The following NSD1 variants were observed in gnomAD, a reference collection of about 807,000 sequenced individuals.
NSD1 encodes histone-lysine N-methyltransferase, H3 lysine-36 specific.
Under a neutral mutation model 242.7 loss-of-function variants are expected in NSD1, and 26 were observed. The observed-to-expected ratio is 0.11, with a 90% CI of 0.08 to 0.15. NSD1 has a LOEUF of 0.15. NSD1 is among the 10% of genes least tolerant of loss of function. The pLI is 1.00. For synonymous variants in NSD1, 1,106 were observed against 1,178.1 expected, an observed-to-expected ratio of 0.94 and a Z score of 1.25; for missense variants, 2,495 against 3,272.8, an observed-to-expected ratio of 0.76 and a Z score of 5.80.
In NSD1 at chr5:177,135,756, G is replaced by GACACGGTGC; in HGVS notation, c.655_663dup (p.His219_Ala221dup). On this transcript the variant is annotated inframe_insertion, in exon 2 of 23. Coordinates refer to ENST00000439151, the MANE Select transcript of NSD1 (RefSeq NM_022455.5). ...GAACAAGACAGCACACCAGAGAGTAGACACGGTGCAGTCAAATCGCCATTC... is the reference window on the plus strand; with the variant it reads ...GAACAAGACAGCACACCAGAGAGTAGACACGGTGCACACGGTGCAGTCAAATCGCCATTC... The GACACGGTGC allele has an allele frequency of 6.2e-7, 1 of 1,614,050 alleles. No homozygotes were observed.
chr5:177,226,659 T>A (rs921917553), intron 5 of NSD1, among the ~76,000 whole-genome samples: 7 of 152,186 alleles, frequency 4.6e-5, no homozygotes, highest in African/African-American at 1.7e-4. Flanking sequence ...CTCATAGTAT[T>A]CCAATTTGAA....
In NSD1 at chr5:177,298,879, G is replaced by GT; in HGVS notation, c.*3426dup. ...TCCCTATAAGGTGGATTTTACTAAG[G>GT]TTTTTTAAATGATACTGTCATCCTC... On this transcript the variant is annotated 3_prime_UTR_variant, in exon 23 of 23. Coordinates refer to ENST00000439151, the MANE Select transcript of NSD1 (RefSeq NM_022455.5). 1 of 233,054 alleles carries GT rather than the reference G, an allele frequency of 4.3e-6. No homozygotes were observed. The allele number at this position is 233,054 out of a possible 1,614,324, so 14.4% of individuals were successfully genotyped here. A position where few individuals can be genotyped will look rare whatever the true frequency, so the allele number is the denominator to read the frequency against.
intron 3 of NSD1, among the ~76,000 whole-genome samples, chr5:177,196,955 T>C (rs1016494106): frequency 6.6e-6 from 1 of 152,224 alleles, no homozygotes; most frequent in African/African-American, 2.4e-5. Flanking sequence ...ACATACCTAT[T>C]ATAAAGTATC....
intron 2 of NSD1, among the ~76,000 whole-genome samples, chr5:177,149,241 G>A (rs142062595): frequency 3.4e-4 from 52 of 150,728 alleles, no homozygotes; most frequent in African/African-American, 1.2e-3. Flanking sequence ...TTTTTGAGAC[G>A]GAATGTTGCT....
chr5:177,164,149 C>CTTTTTTTTTTTTTT (rs56076836), intron 2 of NSD1, among the ~76,000 whole-genome samples: 10 of 138,392 alleles, frequency 7.2e-5, no homozygotes, highest in Non-Finnish European at 1.1e-4. Flanking sequence ...AAAATGTAAC[C>CTTTTTTTTTTTTTT]TTTTTTTTTT....
At chr5:177,153,270 A>G (rs544321785) in intron 2 of NSD1, among the ~76,000 whole-genome samples, 74 of 150,962 alleles carry the variant, frequency 4.9e-4, no homozygotes, top group African/African-American at 1.7e-3. Flanking sequence ...TCATATATAT[A>G]GTTGGCTCTT....
intron 2 of NSD1, among the ~76,000 whole-genome samples, chr5:177,184,812 C>T (rs1433694178): frequency 6.6e-6 from 1 of 152,146 alleles, no homozygotes; most frequent in East Asian, 1.9e-4. Context: ...TAGGATTGTG[C>T]AGGCCTGAGC....
chr5:177,179,145 C>T (rs1366979873), intron 2 of NSD1, among the ~76,000 whole-genome samples: 1 of 152,078 alleles, frequency 6.6e-6, no homozygotes, highest in Non-Finnish European at 1.5e-5. Context: ...ATAGTTTTTC[C>T]TAGGGTAGGA....
At chr5:177,188,410 A>G (rs1761406080) in intron 2 of NSD1, among the ~76,000 whole-genome samples, 1 of 152,170 alleles carries the variant, frequency 6.6e-6, no homozygotes, top group African/African-American at 2.4e-5. Flanking sequence ...TTATTTTTCC[A>G]GTGGGTTTGC....
chr5:177,172,073 A>T (rs1227540160), intron 2 of NSD1, among the ~76,000 whole-genome samples: 1 of 152,146 alleles, frequency 6.6e-6, no homozygotes. Flanking sequence ...GGGTTTCCCT[A>T]GTTTATATAA....
rs1198286251 is a variant in NSD1 at position 177,300,068 on chromosome 5, C to T, written c.*4609C>T. 4 of 198,484 alleles carry T rather than the reference C, an allele frequency of 2.0e-5. No homozygotes were observed. Among genetic ancestry groups the T allele is most frequent in the Non-Finnish European group, 4.0e-5 (4 of 100,324 alleles). 12.3% of individuals were successfully genotyped at this position (198,484 alleles called of 1,614,324 possible). A position where few individuals can be genotyped will look rare whatever the true frequency, so the allele number is the denominator to read the frequency against. ...TGCTTTTTTGCCGCGCCCCCCCCCC[C>T]CCGCCCCCATAGATTGTCAGCTGTA... On this transcript the variant is annotated 3_prime_UTR_variant, in exon 23 of 23. Coordinates refer to ENST00000439151, the MANE Select transcript of NSD1 (RefSeq NM_022455.5).
chr5:177,257,957 C>T (rs1344418607), intron 13 of NSD1, among the ~76,000 whole-genome samples: 7 of 140,530 alleles, frequency 5.0e-5, no homozygotes, highest in African/African-American at 1.6e-4. Context: ...AGCCACCACG[C>T]GTGGCCCCCC....
chr5:177,154,525 CCT>C (rs1029687508), intron 2 of NSD1, among the ~76,000 whole-genome samples: 1 of 152,068 alleles, frequency 6.6e-6, no homozygotes, highest in African/African-American at 2.4e-5. Context: ...AGTGAAGTGA[CCT>C]CTGTGCCATG....
At chr5:177,256,869 T>A (rs1756511904) in intron 12 of NSD1, 82 bp from the exon 13 acceptor site, 7 of 1,178,690 alleles carry the variant, frequency 5.9e-6, no homozygotes, top group Non-Finnish European at 7.6e-6. Context: ...ATTATAAAAT[T>A]TCTTATGAAC....
intron 2 of NSD1, among the ~76,000 whole-genome samples, chr5:177,146,829 C>T (rs1757287287): frequency 6.6e-6 from 1 of 151,306 alleles, no homozygotes; most frequent in Non-Finnish European, 1.5e-5. Flanking sequence ...CATGGTGAAA[C>T]CCCGTGTCTA....
Position 177,135,742 on chromosome 5 carries a change from C to T in NSD1, c.639C>T (p.Ser213=), listed in dbSNP as rs755931458. The change falls in exon 2 of 23, where the codon AGC becomes AGT. Residue 213 remains serine, a synonymous_variant. Coordinates refer to ENST00000439151, the MANE Select transcript of NSD1 (RefSeq NM_022455.5). ...TGGCCATGGGAAGTGAACAAGACAG[C>T]ACACCAGAGAGTAGACACGGTGCAG... ...VKVAMGSEQD[S]TPESRHGAVK... 183 of 1,614,038 alleles carry T rather than the reference C, an allele frequency of 1.1e-4. 4 individuals are homozygous for T. The Admixed American group carries it at 3.0e-3, about 26-fold the overall frequency.
At chr5:177,188,084 T>C (rs1761377362) in intron 2 of NSD1, among the ~76,000 whole-genome samples, 1 of 152,330 alleles carries the variant, frequency 6.6e-6, no homozygotes, top group East Asian at 1.9e-4. Flanking sequence ...TTTTCCCAAG[T>C]GTCTTGGGAT....
intron 5 of NSD1, among the ~76,000 whole-genome samples, chr5:177,227,241 G>T (rs1764701747): frequency 6.6e-6 from 1 of 152,118 alleles, no homozygotes; most frequent in African/African-American, 2.4e-5. Context: ...TCCTTTTTCA[G>T]TAGGAATTCA....
intron 21 of NSD1, among the ~76,000 whole-genome samples, chr5:177,291,520 G>A (rs1290117419): frequency 2.0e-5 from 3 of 152,142 alleles, no homozygotes; most frequent in Non-Finnish European, 2.9e-5. Flanking sequence ...AGGAGTGGTG[G>A]TGGGCGCCTG....
Sources: allele counts gnomAD v4.1 joint callset (sites outside exome capture counted in the v4.1 genomes callset), GRCh38; gene constraint gnomAD v4.1.1; transcripts MANE v1.5; gene names NCBI Gene and HGNC (gene_info 2026-07-23, HGNC 2026-07-21).